MAOB: variants seen among roughly 807,000 people sequenced by gnomAD.
The protein encoded by MAOB is monoamine oxidase B, also known as amine oxidase [flavin-containing] B.
Under a neutral mutation model 41.9 loss-of-function variants are expected in MAOB, and 15 were observed. The observed-to-expected ratio is 0.36, with a 90% CI of 0.24 to 0.55. The LOEUF (loss-of-function observed/expected upper bound fraction) is 0.55. Among genes scored for constraint, MAOB ranks in the 20% least tolerant of loss-of-function variants. MAOB has a pLI of 0.86. For synonymous variants in MAOB, 167 were observed against 144.2 expected, an observed-to-expected ratio of 1.16 and a Z score of -1.13; for missense variants, 345 against 398.7, an observed-to-expected ratio of 0.87 and a Z score of 1.15.
chrX:43,773,338 T>G (rs2034209793), intron 12 of MAOB, among the ~76,000 whole-genome samples: 1 of 111,917 alleles, frequency 8.9e-6, no homozygotes, highest in African/African-American at 3.3e-5. Flanking sequence ...GTGCCCTCCT[T>G]TATCCTTATT....
At chrX:43,864,576 C>A (rs1161193286) in intron 1 of MAOB, among the ~76,000 whole-genome samples, 1 of 111,668 alleles carries the variant, frequency 9.0e-6, no homozygotes, top group Non-Finnish European at 1.9e-5. Context: ...TTTATTCCTG[C>A]CAATATGATA....
At chrX:43,874,065 A>G (rs1447457218) in intron 1 of MAOB, among the ~76,000 whole-genome samples, 1 of 112,285 alleles carries the variant, frequency 8.9e-6, no homozygotes, top group African/African-American at 3.2e-5. Flanking sequence ...AAACTGGGTC[A>G]CAGCCCTTGG....
At chrX:43,807,498 A>G (rs2034681860) in intron 3 of MAOB, among the ~76,000 whole-genome samples, 1 of 112,221 alleles carries the variant, frequency 8.9e-6, no homozygotes, top group Admixed American at 9.4e-5. Context: ...TTACTATTCT[A>G]TCTCATTCAC....
intron 8 of MAOB, among the ~76,000 whole-genome samples, chrX:43,790,003 C>T (rs1253414627): frequency 8.9e-6 from 1 of 111,786 alleles, no homozygotes; most frequent in African/African-American, 3.3e-5. Flanking sequence ...CAAAATGTTA[C>T]CTTCTCTTTA....
chrX:43,784,961 A>G (rs1406043481), intron 8 of MAOB, among the ~76,000 whole-genome samples: 1 of 112,257 alleles, frequency 8.9e-6, no homozygotes, highest in Non-Finnish European at 1.9e-5. Flanking sequence ...CAGCCTGGCC[A>G]ACATGGTGAA....
chrX:43,858,570 C>G (rs187457008), intron 1 of MAOB, among the ~76,000 whole-genome samples: 3 of 110,447 alleles, frequency 2.7e-5, no homozygotes, highest in Non-Finnish European at 5.7e-5. Flanking sequence ...GTCACCTCCT[C>G]GAGAGAATTT....
At chrX:43,836,587 C>T (rs779256093) in intron 3 of MAOB, among the ~76,000 whole-genome samples, 2 of 111,962 alleles carry the variant, frequency 1.8e-5, no homozygotes, top group African/African-American at 6.5e-5. Context: ...TCTTAAAATG[C>T]ACTGTTATTT....
chrX:43,864,314 G>A (rs2035351712), intron 1 of MAOB, among the ~76,000 whole-genome samples: 1 of 110,924 alleles, frequency 9.0e-6, no homozygotes, highest in East Asian at 2.8e-4. Context: ...TACATTATCT[G>A]TATACGTATA....
In MAOB at chrX:43,802,235, G is replaced by C. The variant is rs2034603615; in HGVS notation, c.413C>G (p.Pro138Arg). 8.3e-7 allele frequency: 1 copy of C among 1,203,845 alleles called. No homozygotes were observed. The highest frequency in any genetic ancestry group is 1.1e-6 in the Non-Finnish European group (1 of 890,506). The change falls in exon 5 of 15, where the codon CCC becomes CGC. Residue 138 changes from proline (P) to arginine (R), a missense_variant. Transcript: ENST00000378069. ...CATGTTGTCCCACTCTTCTGCAAGGGGAGCCTTCCATGGGGCATCACTCGG... is the reference window on the plus strand; with the variant it reads ...CATGTTGTCCCACTCTTCTGCAAGGCGAGCCTTCCATGGGGCATCACTCGG... ...EIPSDAPWKA[P>R]LAEEWDNMTM...
At chrX:43,849,108 C>A (rs1352493851) in intron 1 of MAOB, among the ~76,000 whole-genome samples, 1 of 112,062 alleles carries the variant, frequency 8.9e-6, no homozygotes, top group Non-Finnish European at 1.9e-5. Flanking sequence ...CTTTTCAACA[C>A]AGAGTAGCAA....
intron 8 of MAOB, among the ~76,000 whole-genome samples, chrX:43,787,763 G>T (rs1163440537): frequency 1.8e-5 from 2 of 111,658 alleles, no homozygotes; most frequent in African/African-American, 6.5e-5. Flanking sequence ...ATTTAGTAGG[G>T]GGAAACCATC....
chrX:43,867,452 C>CT, intron 1 of MAOB, among the ~76,000 whole-genome samples: 1 of 112,430 alleles, frequency 8.9e-6, no homozygotes, highest in East Asian at 2.8e-4. Context: ...AGTTAAATAA[C>CT]AGTTTATAGG....
At chrX:43,817,335 T>C (rs2034827456) in intron 3 of MAOB, among the ~76,000 whole-genome samples, 2 of 110,852 alleles carry the variant, frequency 1.8e-5, no homozygotes, top group African/African-American at 6.6e-5. Flanking sequence ...ACTTCTTTTT[T>C]TCTCCTATCC....
At chrX:43,846,344 AAC>A (rs761061995) in intron 1 of MAOB, among the ~76,000 whole-genome samples, 2 of 112,637 alleles carry the variant, frequency 1.8e-5, no homozygotes, top group Non-Finnish European at 3.7e-5. Flanking sequence ...GTTAAATATA[AAC>A]AGTTATTAAA....
chrX:43,831,846 A>G (rs761243674), intron 3 of MAOB, among the ~76,000 whole-genome samples: 1 of 111,460 alleles, frequency 9.0e-6, no homozygotes, highest in African/African-American at 3.2e-5. Context: ...ATTCATTGCT[A>G]TGAAAGATTT....
At chrX:43,800,875 T>C (rs767827746) in intron 5 of MAOB, among the ~76,000 whole-genome samples, 8 of 111,650 alleles carry the variant, frequency 7.2e-5, no homozygotes, top group Non-Finnish European at 1.3e-4. Context: ...TGAGATCATA[T>C]ACCATACCAC....
At chrX:43,828,541 C>CA (rs113829693) in intron 3 of MAOB, among the ~76,000 whole-genome samples, 1,952 of 97,383 alleles carry the variant, frequency 0.02, 67 homozygotes, top group African/African-American at 0.066. Flanking sequence ...AGGCATAAGA[C>CA]AAAAAAAAAA....
chrX:43,795,345 A>G (rs1445365624), intron 7 of MAOB, among the ~76,000 whole-genome samples: 1 of 112,356 alleles, frequency 8.9e-6, no homozygotes, highest in Non-Finnish European at 1.9e-5. Flanking sequence ...AAGGGCATGG[A>G]GCTTTCATGC....
chrX:43,852,965 G>T (rs1344956196), intron 1 of MAOB, among the ~76,000 whole-genome samples: 2 of 111,335 alleles, frequency 1.8e-5, no homozygotes, highest in African/African-American at 6.6e-5. Flanking sequence ...AGCTTCCTGG[G>T]GAGGTCAGAA....
Sources: allele counts gnomAD v4.1 joint callset (sites outside exome capture counted in the v4.1 genomes callset), GRCh38; gene constraint gnomAD v4.1.1; transcripts MANE v1.5; gene names NCBI Gene and HGNC (gene_info 2026-07-23, HGNC 2026-07-21).